The following PI4KA variants were observed in gnomAD, a reference collection of about 807,000 sequenced individuals.
PI4KA encodes PI4-kinase alpha.
PI4KA carries 122 observed loss-of-function variants against 271.4 expected under a neutral mutation model. That is an observed-to-expected ratio of 0.45 (90% confidence interval 0.39 to 0.52). The LOEUF is 0.52. PI4KA is among the 20% of genes least tolerant of loss of function. The probability of loss-of-function intolerance (pLI) is 0.00; values close to 1 mark genes in which losing one functional copy is unlikely to be tolerated. For synonymous variants in PI4KA, 1,041 were observed against 1,078.8 expected (o/e 0.96, Z 0.69); for missense variants, 1,969 against 2,769.1 (o/e 0.71, Z 6.48).
At chr22:20,807,202 GC>G (rs1935708550) in intron 10 of PI4KA, among the ~76,000 whole-genome samples, 159 bp downstream of exon 10, 1 of 152,124 alleles carries the variant, frequency 6.6e-6, no homozygotes, top group South Asian at 2.1e-4. Flanking sequence ...TTTTAAATTT[GC>G]TTTTTTCCCA....
intron 23 of PI4KA, among the ~76,000 whole-genome samples, chr22:20,759,380 ATTTTTC>A (rs1039243017): frequency 8.8e-6 from 1 of 113,914 alleles, no homozygotes; most frequent in Non-Finnish European, 2.0e-5. Context: ...TGAAGCGTTG[ATTTTTC>A]TTTTTCTTTT....
At chr22:20,801,944 G>A (rs981572593) in intron 14 of PI4KA, 29 bp downstream of exon 14, 16 of 1,612,046 alleles carry the variant, frequency 9.9e-6, no homozygotes, top group African/African-American at 1.3e-5. Context: ...GAGCACTGCT[G>A]TCTACTCGCC....
intron 3 of PI4KA, among the ~76,000 whole-genome samples, chr22:20,828,578 CAG>C (rs1220252271): frequency 6.6e-6 from 1 of 151,806 alleles, no homozygotes; most frequent in Non-Finnish European, 1.5e-5. Flanking sequence ...TTTTTTGAGA[CAG>C]AGTCTTGCTC....
rs759923695 is a variant in PI4KA, at chr22:20,733,063, C to T, written c.4196G>A (p.Arg1399Gln). The change falls in exon 36 of 55, where the codon CGG becomes CAG. Residue 1399 changes from arginine to glutamine, a missense_variant. This residue lies in a region of PI4KA where 72 missense variants were observed against 103.1 expected (regional missense o/e 0.70). Coordinates refer to ENST00000255882, the MANE Select transcript of PI4KA (RefSeq NM_058004.4). ...PPKFPTQGEK[R>Q]LREDISIMIK... ...CATGATGCTTATGTCTTCACGCAGC[C>T]GCTTCTCTCCTTGAGTAGGGAACTT... 8.1e-6 allele frequency: 13 copies of T among 1,611,736 alleles called. No homozygotes were observed. The highest frequency in any genetic ancestry group is 2.7e-5 in the African/African-American group (2 of 74,824).
At position 20,832,457 on chromosome 22, in the gene PI4KA, G is replaced by C. The variant is rs578259761; in HGVS notation, c.367+2105C>G. 2.4e-3 allele frequency among the ~76,000 whole-genome samples: 358 copies of C among 147,992 alleles called. 1 individual carries two copies. Among genetic ancestry groups the C allele is most frequent in the African/African-American group, 8.5e-3 (341 of 40,162 alleles). Reference sequence around the variant, plus strand: ...TTTTTCAGCTCCATCAGCTCAGTTTGGTTGTTTTCTTTTTGAGACGGAGTC... The same window carrying C: ...TTTTTCAGCTCCATCAGCTCAGTTTCGTTGTTTTCTTTTTGAGACGGAGTC... On this transcript the variant is annotated intron_variant, in intron 3 of 54. Coordinates refer to ENST00000255882, the MANE Select transcript of PI4KA (RefSeq NM_058004.4).
Position 20,858,553 on chromosome 22 carries a change from C to T in PI4KA, c.156+17G>A. ...CCCCTCCTCCTGTCAGCCCGCGGCC[C>T]AGCCCGCCGACGTTACCTTCTCCAA... On this transcript the variant is annotated intron_variant, in intron 1 of 54. Transcript: ENST00000255882. 2.2e-6 allele frequency: 3 copies of T among 1,366,806 alleles called. No homozygotes were observed. The highest frequency in any genetic ancestry group is 2.8e-6 in the Non-Finnish European group (3 of 1,053,118). 84.7% of individuals were successfully genotyped at this position (1,366,806 alleles called of 1,614,324 possible). A position where few individuals can be genotyped will look rare whatever the true frequency, so the allele number is the denominator to read the frequency against.
At chr22:20,842,814 CAAAA>C (rs764238069) in intron 1 of PI4KA, among the ~76,000 whole-genome samples, 1 of 81,688 alleles carries the variant, frequency 1.2e-5, no homozygotes, top group Non-Finnish European at 2.4e-5. Context: ...GACTCTGTCT[CAAAA>C]AAAAAAAAAA....
At chr22:20,762,696 G>C (rs1222883824) in intron 22 of PI4KA, among the ~76,000 whole-genome samples, 1 of 152,094 alleles carries the variant, frequency 6.6e-6, no homozygotes, top group South Asian at 2.1e-4. Context: ...GTTTGGGTCT[G>C]GCTTGTTTTG....
intron 19 of PI4KA, among the ~76,000 whole-genome samples, chr22:20,776,177 A>C (rs981720436): frequency 2.6e-5 from 4 of 152,042 alleles, no homozygotes; most frequent in Non-Finnish European, 4.4e-5. Context: ...CAAAAAATTA[A>C]CTGGGTTTGG....
chr22:20,846,023 C>T (rs919650752), intron 1 of PI4KA, among the ~76,000 whole-genome samples: 6 of 151,886 alleles, frequency 4.0e-5, no homozygotes, highest in African/African-American at 9.7e-5. Flanking sequence ...TTTGGGAGGC[C>T]GAGGCGGGCG....
chr22:20,770,203 T>A (rs1191854898), intron 19 of PI4KA, among the ~76,000 whole-genome samples: 1 of 151,778 alleles, frequency 6.6e-6, no homozygotes, highest in Non-Finnish European at 1.5e-5. Context: ...GCCCAGTTTT[T>A]TTTTTTTTGG....
At chr22:20,749,811 T>C (rs1930479307) in intron 28 of PI4KA, 94 bp downstream of exon 28, 3 of 750,518 alleles carry the variant, frequency 4.0e-6, no homozygotes, top group African/African-American at 1.7e-5. Flanking sequence ...TTCACACTAG[T>C]GCTATTTGGA....
At chr22:20,771,916 A>G (rs1485616525) in intron 19 of PI4KA, among the ~76,000 whole-genome samples, 2 of 152,138 alleles carry the variant, frequency 1.3e-5, no homozygotes, top group African/African-American at 2.4e-5. Flanking sequence ...AGTAATACAT[A>G]CACATAGAAA....
At position 20,707,984 on chromosome 22, in the gene PI4KA, G is replaced by A. The variant is rs1317312435; in HGVS notation, c.*63C>T. 3 of 1,388,686 alleles carry A rather than the reference G, an allele frequency of 2.2e-6. No individual in the cohort carries two copies. The highest frequency in any genetic ancestry group is 3.1e-6 in the Non-Finnish European group (3 of 975,286). 86.0% of individuals were successfully genotyped at this position (1,388,686 alleles called of 1,614,324 possible). Reference sequence around the variant, plus strand: ...TGGCGGCAGGGCAGGGAGGTCGCAGGGCTCCATGATTGTGGGACAGCTTTG... The same window carrying A: ...TGGCGGCAGGGCAGGGAGGTCGCAGAGCTCCATGATTGTGGGACAGCTTTG... On this transcript the variant is annotated 3_prime_UTR_variant, in exon 55 of 55. Coordinates refer to ENST00000255882, the MANE Select transcript of PI4KA (RefSeq NM_058004.4).
At chr22:20,807,300 G>T in intron 10 of PI4KA, 62 bp downstream of exon 10, 3 of 1,015,502 alleles carry the variant, frequency 3.0e-6, no homozygotes, top group Non-Finnish European at 4.7e-6. Context: ...CCACTAGCAT[G>T]CGACAGTGGC....
In PI4KA at chr22:20,779,529, G is replaced by C. The variant is rs139053306; in HGVS notation, c.2328+13664C>G. 14 of 1,613,866 alleles carry C rather than the reference G, an allele frequency of 8.7e-6. No individual in the cohort carries two copies. In the South Asian group the frequency reaches 1.2e-4, roughly 14 times the overall value. ...CGTCACCAACGACTGGATTCCAGAG[G>C]GGGAGGAGGACGACGACTATCTGGA... On this transcript the variant is annotated intron_variant, in intron 19 of 54. Coordinates refer to ENST00000255882, the MANE Select transcript of PI4KA (RefSeq NM_058004.4).
At chr22:20,738,930 C>T (rs1230122934) in intron 32 of PI4KA, among the ~76,000 whole-genome samples, 2 of 149,884 alleles carry the variant, frequency 1.3e-5, no homozygotes, top group East Asian at 2.0e-4. Flanking sequence ...CGGACAGGCG[C>T]GGTGGCTCAC....
chr22:20,781,635 C>A (rs781643544), intron 19 of PI4KA, among the ~76,000 whole-genome samples: 25 of 152,212 alleles, frequency 1.6e-4, no homozygotes, highest in Non-Finnish European at 3.1e-4. Flanking sequence ...AGGTTTCCAC[C>A]CCAAGGCATG....
chr22:20,793,551 A>G (rs1320952807), intron 18 of PI4KA, among the ~76,000 whole-genome samples: 1 of 152,236 alleles, frequency 6.6e-6, no homozygotes. Flanking sequence ...GTCACCATGG[A>G]AAGAGCCCAC....
Sources: gnomAD v4.1 joint callset for allele counts (sites outside exome capture counted in the v4.1 genomes callset) on GRCh38, gnomAD v4.1.1 for gene constraint, gnomAD v4.1.1 regional missense constraint, MANE v1.5 for transcripts, NCBI Gene and HGNC (gene_info 2026-07-23, HGNC 2026-07-21) for gene names.